The following SCN2A variants were observed in gnomAD, a reference collection of about 807,000 sequenced individuals.
The protein encoded by SCN2A is sodium voltage-gated channel alpha subunit 2.
SCN2A carries 20 observed loss-of-function variants against 188.7 expected under a neutral mutation model. The ratio of observed to expected loss-of-function variants is 0.11; its 90% CI spans 0.07 to 0.15. SCN2A has a LOEUF of 0.15. Among genes scored for constraint, SCN2A ranks in the 10% least tolerant of loss-of-function variants. SCN2A has a pLI of 1.00. For missense variants in SCN2A, 1,278 were observed against 2,445.0 expected (o/e 0.52, Z 10.07); for synonymous variants, 804 against 833.1 (o/e 0.97, Z 0.60).
At chr2:165,364,059 T>C (rs1700597981) in intron 17 of SCN2A, among the ~76,000 whole-genome samples, 1 of 152,192 alleles carries the variant, frequency 6.6e-6, no homozygotes, top group Admixed American at 6.5e-5. Flanking sequence ...ATATAACATT[T>C]ACAGTACTGA....
Position 165,374,828 on chromosome 2 carries a change from A to G in SCN2A, c.4116A>G (p.Gly1372=). The change falls in exon 22 of 27, where the codon GGA becomes GGG. Residue 1372 remains glycine, a synonymous_variant. Transcript: ENST00000375437. ...KFYHCINYTT[G]EMFDVSVVNN... is the part of the protein sequence containing the mutation. ...ACCATTGTATTAATTACACCACTGG[A>G]GAGATGTTTGATGTAAGCGTGGTCA... 6.2e-7 allele frequency: 1 copy of G among 1,613,606 alleles called. No individual in the cohort carries two copies. The highest frequency in any genetic ancestry group is 8.5e-7 in the Non-Finnish European group (1 of 1,179,700).
At chr2:165,386,487 AAG>A (rs912828879) in intron 25 of SCN2A, among the ~76,000 whole-genome samples, 5 of 151,920 alleles carry the variant, frequency 3.3e-5, no homozygotes, top group African/African-American at 1.2e-4. Context: ...AATTAAAAAA[AAG>A]AGAGAGAGAT....
At chr2:165,379,000 G>A (rs1279210283) in intron 23 of SCN2A, among the ~76,000 whole-genome samples, 1 of 151,642 alleles carries the variant, frequency 6.6e-6, no homozygotes, top group East Asian at 1.9e-4. Flanking sequence ...GTACAATGCT[G>A]ATAGGAAAAA....
chr2:165,361,985 TC>T (rs1393690580), intron 17 of SCN2A, among the ~76,000 whole-genome samples: 4 of 152,086 alleles, frequency 2.6e-5, no homozygotes, highest in African/African-American at 7.2e-5. Context: ...TTGTGTGTAT[TC>T]TTTTGAATGT....
In SCN2A at chr2:165,370,608, G is replaced by A. The variant is rs986714205; in HGVS notation, c.3849+309G>A. 2.6e-4 allele frequency: 76 copies of A among 291,222 alleles called. 2 individuals carry two copies. The highest frequency in any genetic ancestry group is 1.3e-3 in the East Asian group (19 of 14,298). The allele number at this position is 291,222 out of a possible 1,614,324, so 18.0% of individuals were successfully genotyped here. Reference sequence around the variant, plus strand: ...TTTGCTTTTTGCACACTCACATTTCGCAAAATAACTTGTATTTAAATTTTT... The same window carrying A: ...TTTGCTTTTTGCACACTCACATTTCACAAAATAACTTGTATTTAAATTTTT... On this transcript the variant is annotated intron_variant, in intron 20 of 26. Transcript: ENST00000375437.
intron 7 of SCN2A, 88 bp downstream of exon 7, chr2:165,310,683 G>A: frequency 1.1e-6 from 1 of 940,272 alleles, no homozygotes; most frequent in Non-Finnish European, 1.5e-6. Context: ...ATTTAGATGT[G>A]AATCAAGTGA....
chr2:165,362,433 G>C (rs1193336049), intron 17 of SCN2A, among the ~76,000 whole-genome samples: 1 of 151,878 alleles, frequency 6.6e-6, no homozygotes, highest in East Asian at 1.9e-4. Context: ...ACCTCAACAT[G>C]CTTCTCATTT....
chr2:165,239,676 G>T (rs1318659092), intron 1 of SCN2A, 36 bp downstream of exon 1: 1 of 932,706 alleles, frequency 1.1e-6, no homozygotes, highest in African/African-American at 1.8e-5. Flanking sequence ...ACTTATCCAC[G>T]GATTGTTATC....
intron 21 of SCN2A, 89 bp downstream of exon 21, chr2:165,373,436 T>C: frequency 6.8e-7 from 1 of 1,473,200 alleles, no homozygotes; most frequent in Non-Finnish European, 9.4e-7. Flanking sequence ...TTATGGAGAA[T>C]TTGTGTCTTA....
chr2:165,345,399 A>AC (rs1224305583), intron 16 of SCN2A, among the ~76,000 whole-genome samples: 1 of 151,794 alleles, frequency 6.6e-6, no homozygotes, highest in Non-Finnish European at 1.5e-5. Flanking sequence ...AAAATTAACC[A>AC]CCCCTAACAC....
chr2:165,386,672 T>G (rs1701891154), intron 25 of SCN2A, 74 bp from the exon 26 acceptor site: 1 of 1,447,174 alleles, frequency 6.9e-7, no homozygotes, highest in Non-Finnish European at 9.5e-7. Context: ...TTTGTTGCTT[T>G]CTTAAAATCA....
intron 3 of SCN2A, among the ~76,000 whole-genome samples, chr2:165,306,641 A>G (rs2105238310): frequency 6.6e-6 from 1 of 151,988 alleles, no homozygotes; most frequent in East Asian, 1.9e-4. Context: ...AGAATTAAGC[A>G]TGGGCCTTAC....
intron 3 of SCN2A, among the ~76,000 whole-genome samples, chr2:165,299,479 T>G (rs1032489183): frequency 6.6e-6 from 1 of 152,208 alleles, no homozygotes; most frequent in African/African-American, 2.4e-5. Flanking sequence ...AATTAGATTT[T>G]AAAAAGTCTC....
At chr2:165,271,388 C>T (rs1401004016) in intron 1 of SCN2A, 1 of 152,040 alleles carries the variant, frequency 6.6e-6, no homozygotes, top group African/African-American at 2.4e-5. Context: ...TTGCTGGCCA[C>T]ATGGAGATAG....
At chr2:165,250,430 T>G (rs1278143102) in intron 1 of SCN2A, among the ~76,000 whole-genome samples, 1 of 151,636 alleles carries the variant, frequency 6.6e-6, no homozygotes, top group Non-Finnish European at 1.5e-5. Context: ...TATAGAAAAT[T>G]TTAACAGAAA....
intron 1 of SCN2A, among the ~76,000 whole-genome samples, chr2:165,253,839 G>C (rs1694200106): frequency 6.6e-6 from 1 of 151,846 alleles, no homozygotes; most frequent in Admixed American, 6.6e-5. Context: ...TGAGTTTTTA[G>C]CTTTTCTAGG....
intron 7 of SCN2A, among the ~76,000 whole-genome samples, chr2:165,311,712 C>A (rs1574562253): frequency 6.6e-6 from 1 of 152,104 alleles, no homozygotes; most frequent in Admixed American, 6.5e-5. Flanking sequence ...AATAGACTGG[C>A]AGCTCTTTCT....
Position 165,310,303 on chromosome 2 carries a change from C to T in SCN2A, c.698-20C>T, listed in dbSNP as rs748075978. The T allele has an allele frequency of 3.3e-5, 53 of 1,612,996 alleles. No individual in the cohort carries two copies. The highest frequency in any genetic ancestry group is 1.6e-4 in the Middle Eastern group (1 of 6,076). On this transcript the variant is annotated intron_variant, in intron 6 of 26. Transcript: ENST00000375437. Reference sequence around the variant, plus strand: ...TGTTGAGTAGTATATTTAAATTCCCCCTTCTGATTTTGTTTGTAGGCCTGA... The same window carrying T: ...TGTTGAGTAGTATATTTAAATTCCCTCTTCTGATTTTGTTTGTAGGCCTGA...
chr2:165,313,358 T>C (rs1482394916), intron 8 of SCN2A, among the ~76,000 whole-genome samples: 1 of 152,134 alleles, frequency 6.6e-6, no homozygotes, highest in African/African-American at 2.4e-5. Context: ...TTAATCATGA[T>C]ATGATTGCTT....
Sources: allele counts gnomAD v4.1 joint callset (sites outside exome capture counted in the v4.1 genomes callset), GRCh38; gene constraint gnomAD v4.1.1; transcripts MANE v1.5; gene names NCBI Gene and HGNC (gene_info 2026-07-23, HGNC 2026-07-21).